The following MTFR1 variants were observed in gnomAD, a reference collection of about 807,000 sequenced individuals.
The protein encoded by MTFR1 is chondrocyte protein with a poly-proline region.
In MTFR1, 28 loss-of-function variants were observed where a neutral mutation model predicts 38.8. That is an observed-to-expected ratio of 0.72 (90% CI 0.53 to 0.99). The LOEUF (loss-of-function observed/expected upper bound fraction) is 0.99, where lower values mean the gene tolerates loss of function less well. Ranked by LOEUF, MTFR1 falls within the 50% of genes least tolerant of loss-of-function variation. The pLI is 0.00. For missense variants in MTFR1, 358 were observed against 395.5 expected, an observed-to-expected ratio of 0.91 and a Z score of 0.81; for synonymous variants, 145 against 137.0, an observed-to-expected ratio of 1.06 and a Z score of -0.41.
intron 1 of MTFR1, among the ~76,000 whole-genome samples, chr8:65,667,003 G>A (rs767758791): frequency 2.6e-5 from 4 of 152,146 alleles, no homozygotes; most frequent in Non-Finnish European, 4.4e-5. Flanking sequence ...GGCCAGACGC[G>A]GTGGCTCACA....
At chr8:65,682,996 CT>C (rs771568987) in intron 3 of MTFR1, 783 of 902,328 alleles carry the variant, frequency 8.7e-4, no homozygotes, top group Non-Finnish European at 1.0e-3. Flanking sequence ...ATCAGGAGAA[CT>C]TTTGAAAGTC....
At chr8:65,731,986 A>ATTGTTG (rs59755336) in intron 3 of MTFR1, among the ~76,000 whole-genome samples, 2 of 138,764 alleles carry the variant, frequency 1.4e-5, no homozygotes, top group Non-Finnish European at 3.2e-5. Context: ...TATTATTATT[A>ATTGTTG]TTGTTGTTGT....
At chr8:65,749,173 T>G (rs931114082) in intron 3 of MTFR1, among the ~76,000 whole-genome samples, 32 of 152,330 alleles carry the variant, frequency 2.1e-4, no homozygotes, top group African/African-American at 7.5e-4. Context: ...CTTCTGATAT[T>G]ATAATTAGTT....
At chr8:65,654,651 C>T (rs2129047795) in intron 1 of MTFR1, among the ~76,000 whole-genome samples, 1 of 152,278 alleles carries the variant, frequency 6.6e-6, no homozygotes, top group South Asian at 2.1e-4. Context: ...ACTGATAGCT[C>T]ATTGTAACCT....
At chr8:65,766,261 C>G (rs1300275351) in intron 3 of MTFR1, among the ~76,000 whole-genome samples, 1 of 152,020 alleles carries the variant, frequency 6.6e-6, no homozygotes, top group African/African-American at 2.4e-5. Flanking sequence ...GAATTTTTGA[C>G]AAAAAAATCA....
intron 1 of MTFR1, among the ~76,000 whole-genome samples, chr8:65,663,479 G>A (rs7845011): frequency 8.8e-5 from 13 of 147,830 alleles, no homozygotes; most frequent in African/African-American, 3.0e-4. Flanking sequence ...CTATTGTCCT[G>A]TGACCCTGCC....
intron 2 of MTFR1, chr8:65,719,125 T>G: frequency 1.6e-6 from 1 of 606,434 alleles, no homozygotes; most frequent in East Asian, 2.8e-5. Flanking sequence ...AATTAACAAG[T>G]GGGTTCAAAT....
chr8:65,699,042 G>T (rs2129057526), intron 4 of MTFR1, among the ~76,000 whole-genome samples: 1 of 152,180 alleles, frequency 6.6e-6, no homozygotes, highest in Middle Eastern at 3.4e-3. Context: ...CCTTCTTTTT[G>T]TCCATGTGCA....
intron 6 of MTFR1, 78 bp downstream of exon 6, chr8:65,707,334 T>C (rs1805814088): frequency 6.9e-7 from 1 of 1,454,356 alleles, no homozygotes; most frequent in South Asian, 1.3e-5. Flanking sequence ...TGAGGAATTT[T>C]GTTTATAACA....
chr8:65,672,831 T>G (rs550666713), intron 2 of MTFR1, among the ~76,000 whole-genome samples: 4 of 152,330 alleles, frequency 2.6e-5, no homozygotes, highest in African/African-American at 9.6e-5. Context: ...CTTCCTTGCT[T>G]CTCTCAGCCT....
At chr8:65,734,406 G>A (rs546273810) in intron 3 of MTFR1, among the ~76,000 whole-genome samples, 2 of 152,236 alleles carry the variant, frequency 1.3e-5, no homozygotes, top group Admixed American at 6.5e-5. Context: ...GTCTTGATAC[G>A]ATTTATCTTC....
At chr8:65,724,793 CTG>C (rs1436318479) in intron 3 of MTFR1, 1 of 1,606,084 alleles carries the variant, frequency 6.2e-7, no homozygotes, top group Non-Finnish European at 8.5e-7. Context: ...AACCAAATGT[CTG>C]TGTCTGGTGT....
At chr8:65,690,786 A>G (rs941779967) in intron 3 of MTFR1, among the ~76,000 whole-genome samples, 5 of 152,138 alleles carry the variant, frequency 3.3e-5, no homozygotes, top group African/African-American at 9.7e-5. Context: ...GCACCTTAGG[A>G]AGGCACCATT....
At chr8:65,653,411 C>CT (rs1809173062) in intron 1 of MTFR1, among the ~76,000 whole-genome samples, 1 of 152,092 alleles carries the variant, frequency 6.6e-6, no homozygotes. Flanking sequence ...TCTCGGGAGG[C>CT]TGAGGCCCAA....
At chr8:65,711,508 T>C (rs116763505), downstream of MTFR1, among the ~76,000 whole-genome samples, 223 of 152,332 alleles carry the variant, frequency 1.5e-3, 1 homozygote, top group African/African-American at 5.0e-3. Flanking sequence ...GCCAGATAGA[T>C]AGAATGAGGC....
chr8:65,683,381 C>T (rs540571416), intron 3 of MTFR1, among the ~76,000 whole-genome samples: 35 of 152,186 alleles, frequency 2.3e-4, no homozygotes, highest in African/African-American at 7.7e-4. Flanking sequence ...CTGCCTGTTT[C>T]GGCCTTCCAA....
Position 65,689,537 on chromosome 8 carries a change from C to CT in MTFR1, c.166-4098dup, listed in dbSNP as rs748829651. 1,421 of 1,215,032 alleles carry CT rather than the reference C, an allele frequency of 1.2e-3. 1 individual carries two copies. Among genetic ancestry groups the CT allele is most frequent in the South Asian group, 2.5e-3 (177 of 69,810 alleles). The allele number at this position is 1,215,032 out of a possible 1,614,324, so 75.3% of individuals were successfully genotyped here. ...TTGAAAAAAAATTTCTATCTCTTCA[C>CT]TTTTTTTTTCTTTTTCCACTAATAA... On this transcript the variant is annotated intron_variant, in intron 3 of 7. Transcript: ENST00000262146.
At chr8:65,698,447 C>T (rs866009190) in intron 4 of MTFR1, among the ~76,000 whole-genome samples, 9 of 151,764 alleles carry the variant, frequency 5.9e-5, no homozygotes, top group Non-Finnish European at 8.8e-5. Context: ...GCCTTAAATT[C>T]GTGATTCTTT....
chr8:65,724,407 C>G (rs935658934), intron 3 of MTFR1: 1 of 1,139,192 alleles, frequency 8.8e-7, no homozygotes, highest in Non-Finnish European at 1.3e-6. Flanking sequence ...GACAATAATA[C>G]CAAAGAACCA....
Sources: allele counts gnomAD v4.1 joint callset (sites outside exome capture counted in the v4.1 genomes callset), GRCh38; gene constraint gnomAD v4.1.1; transcripts MANE v1.5; gene names NCBI Gene and HGNC (gene_info 2026-07-23, HGNC 2026-07-21).